The following MAPK10 variants were observed in gnomAD, a reference collection of about 807,000 sequenced individuals.
MAPK10 encodes the protein mitogen-activated protein kinase 10.
Under a neutral mutation model 59.3 loss-of-function variants are expected in MAPK10, and 25 were observed. That is an observed-to-expected ratio of 0.42 (90% CI 0.31 to 0.59). MAPK10 has a LOEUF of 0.59. MAPK10 is among the 20% of genes least tolerant of loss of function. The pLI, the probability that MAPK10 is intolerant of heterozygous loss-of-function variation, is 0.15. For missense variants in MAPK10, 351 were observed against 568.9 expected (o/e 0.62, Z 3.90); for synonymous variants, 190 against 200.5 (o/e 0.95, Z 0.44).
intron 2 of MAPK10, among the ~76,000 whole-genome samples, chr4:86,218,793 A>T (rs1448841335): frequency 6.6e-6 from 1 of 152,218 alleles, no homozygotes; most frequent in Non-Finnish European, 1.5e-5. Flanking sequence ...TAACGATATA[A>T]TGAGCAGAAT....
chr4:86,470,854 A>G (rs1752596797), intron 1 of MAPK10, among the ~76,000 whole-genome samples: 1 of 152,200 alleles, frequency 6.6e-6, no homozygotes, highest in Non-Finnish European at 1.5e-5. Flanking sequence ...TCCAAAATAA[A>G]CCAAACCAAA....
chr4:86,324,415 C>T (rs1341212450), intron 2 of MAPK10, among the ~76,000 whole-genome samples: 1 of 148,326 alleles, frequency 6.7e-6, no homozygotes, highest in African/African-American at 2.5e-5. Context: ...AACTCCACCT[C>T]AAAAAAATAA....
At chr4:86,034,219 C>T (rs2039702735) in intron 11 of MAPK10, among the ~76,000 whole-genome samples, 1 of 152,220 alleles carries the variant, frequency 6.6e-6, no homozygotes, top group South Asian at 2.1e-4. Flanking sequence ...GTGACTTTCA[C>T]CCTTTGAATA....
At chr4:86,491,248 C>T (rs1436851415) in intron 1 of MAPK10, among the ~76,000 whole-genome samples, 1 of 152,128 alleles carries the variant, frequency 6.6e-6, no homozygotes, top group Non-Finnish European at 1.5e-5. Flanking sequence ...TGACTTTGCA[C>T]ACAGACAGCT....
intron 1 of MAPK10, among the ~76,000 whole-genome samples, chr4:86,380,748 A>G (rs1054815073): frequency 1.1e-4 from 17 of 152,090 alleles, no homozygotes; most frequent in African/African-American, 4.1e-4. Flanking sequence ...AATGAACACA[A>G]TGTGGCTATT....
chr4:86,274,702 T>C (rs1261829571), intron 2 of MAPK10, among the ~76,000 whole-genome samples: 3 of 152,010 alleles, frequency 2.0e-5, no homozygotes, highest in Non-Finnish European at 2.9e-5. Context: ...GGTAAACTGA[T>C]TAGGCAGAGG....
At chr4:86,340,610 G>T (rs1724341699) in intron 2 of MAPK10, among the ~76,000 whole-genome samples, 1 of 152,022 alleles carries the variant, frequency 6.6e-6, no homozygotes, top group Non-Finnish European at 1.5e-5. Context: ...ATGAGATTTG[G>T]GTGGGGACAC....
chr4:86,069,338 A>G (rs993667988), intron 9 of MAPK10, among the ~76,000 whole-genome samples: 4 of 152,088 alleles, frequency 2.6e-5, no homozygotes, highest in Non-Finnish European at 2.9e-5. Context: ...ATATATAACC[A>G]TGGACTATGA....
chr4:86,479,207 G>A (rs537581579), intron 1 of MAPK10, among the ~76,000 whole-genome samples: 7 of 152,068 alleles, frequency 4.6e-5, no homozygotes, highest in South Asian at 2.1e-4. Flanking sequence ...GTAAGGGACC[G>A]GCCTTTATTA....
intron 2 of MAPK10, among the ~76,000 whole-genome samples, chr4:86,244,348 A>C (rs2092940304): frequency 6.6e-6 from 1 of 152,244 alleles, no homozygotes; most frequent in Admixed American, 6.5e-5. Flanking sequence ...ATGAAACCAA[A>C]GAATTAACTA....
intron 5 of MAPK10, among the ~76,000 whole-genome samples, chr4:86,104,982 C>T (rs1417845904): frequency 6.6e-6 from 1 of 152,038 alleles, no homozygotes; most frequent in Non-Finnish European, 1.5e-5. Flanking sequence ...AGACAGGAAT[C>T]TCAGTTCTTT....
chr4:86,452,116 C>T (rs892310757), intron 1 of MAPK10, among the ~76,000 whole-genome samples: 22 of 152,148 alleles, frequency 1.4e-4, no homozygotes, highest in African/African-American at 5.1e-4. Flanking sequence ...CTATCTGGCT[C>T]CAGAGTCTGC....
intron 13 of MAPK10, among the ~76,000 whole-genome samples, chr4:86,022,889 T>C (rs1437305428): frequency 2.0e-5 from 3 of 152,196 alleles, no homozygotes; most frequent in African/African-American, 7.2e-5. Context: ...TATGCTATGG[T>C]TTATCTTTTC....
chr4:86,242,783 C>T (rs1041704507), intron 2 of MAPK10, among the ~76,000 whole-genome samples: 6 of 152,170 alleles, frequency 3.9e-5, no homozygotes, highest in African/African-American at 1.4e-4. Flanking sequence ...TAGGCAGTTT[C>T]GAGTCCCAGT....
intron 2 of MAPK10, among the ~76,000 whole-genome samples, chr4:86,241,539 C>G (rs913025940): frequency 6.6e-6 from 1 of 152,012 alleles, no homozygotes; most frequent in Admixed American, 6.6e-5. Flanking sequence ...TCATTCTTTT[C>G]TCTCTATTCT....
chr4:86,317,220 G>A (rs1167978770), intron 2 of MAPK10, among the ~76,000 whole-genome samples: 6 of 151,986 alleles, frequency 3.9e-5, no homozygotes, highest in Admixed American at 6.6e-5. Context: ...GGGCTATTAC[G>A]CTTTTCCTTT....
At chr4:86,168,931 C>T (rs2072993903) in intron 3 of MAPK10, among the ~76,000 whole-genome samples, 1 of 152,124 alleles carries the variant, frequency 6.6e-6, no homozygotes, top group Non-Finnish European at 1.5e-5. Context: ...CGAAGCCATC[C>T]CTGCTGCTAC....
At chr4:86,383,720 A>G (rs896719452) in intron 1 of MAPK10, among the ~76,000 whole-genome samples, 1 of 152,144 alleles carries the variant, frequency 6.6e-6, no homozygotes, top group East Asian at 1.9e-4. Flanking sequence ...TTTCCTCTTT[A>G]ATTTTATTTT....
intron 2 of MAPK10, among the ~76,000 whole-genome samples, chr4:86,225,224 G>C (rs2090402075): frequency 6.6e-6 from 1 of 152,120 alleles, no homozygotes; most frequent in African/African-American, 2.4e-5. Context: ...CCATTGTCAG[G>C]ACTGATGAGA....
Sources: gnomAD v4.1 joint callset for allele counts (sites outside exome capture counted in the v4.1 genomes callset) on GRCh38, gnomAD v4.1.1 for gene constraint, MANE v1.5 for transcripts, NCBI Gene and HGNC (gene_info 2026-07-23, HGNC 2026-07-21) for gene names.